Variants in C7orf57 observed in about 807,000 individuals in gnomAD.
C7orf57 encodes the protein chromosome 7 open reading frame 57.
In C7orf57, 33 loss-of-function variants were observed where a neutral mutation model predicts 39.0. The ratio of observed to expected loss-of-function variants is 0.85; its 90% CI spans 0.64 to 1.13. C7orf57 has a LOEUF of 1.13. Ranked by LOEUF, C7orf57 falls within the 50% of genes most tolerant of loss-of-function variation. C7orf57 has a pLI of 0.00. For missense variants in C7orf57, 346 were observed against 362.3 expected (o/e 0.95, Z 0.37); for synonymous variants, 124 against 137.1 (o/e 0.90, Z 0.67).
chr7:48,036,210 G>A lies in C7orf57; in HGVS notation c.-99G>A, dbSNP rs991207071. On this transcript the variant is annotated splice_region_variant and 5_prime_UTR_variant, in exon 2 of 9. Coordinates refer to ENST00000348904, the MANE Select transcript of C7orf57 (RefSeq NM_001100159.3). Reference sequence around the variant, plus strand: ...GCGCGCGGATTTTGCTTTTGCAGCTGCAGCTCCTGGCAACTGGTCAAGCAG... The same window carrying A: ...GCGCGCGGATTTTGCTTTTGCAGCTACAGCTCCTGGCAACTGGTCAAGCAG... 7.2e-5 allele frequency: 97 copies of A among 1,344,002 alleles called. No individual in the cohort carries two copies. In the African/African-American group the frequency reaches 1.2e-3, roughly 16 times the overall value. 83.3% of individuals were successfully genotyped at this position (1,344,002 alleles called of 1,614,324 possible). A position where few individuals can be genotyped will look rare whatever the true frequency, so the allele number is the denominator to read the frequency against.
chr7:48,059,395 G>A (rs931666375), intron 8 of C7orf57, among the ~76,000 whole-genome samples: 2 of 152,108 alleles, frequency 1.3e-5, no homozygotes, highest in African/African-American at 2.4e-5. Flanking sequence ...CTGTTGCCGG[G>A]CCTGGAGTGT....
At chr7:48,051,064 C>T (rs961831531) in intron 6 of C7orf57, among the ~76,000 whole-genome samples, 2 of 152,160 alleles carry the variant, frequency 1.3e-5, no homozygotes, top group Non-Finnish European at 2.9e-5. Context: ...TTTGAAGATG[C>T]AGTAGATGGT....
intron 6 of C7orf57, among the ~76,000 whole-genome samples, chr7:48,051,443 C>T (rs1244643260): frequency 2.7e-5 from 4 of 150,118 alleles, no homozygotes; most frequent in African/African-American, 4.9e-5. Context: ...CTCTGCCTCC[C>T]GGGTTCATGC....
At chr7:48,052,550 G>A (rs1790986023) in intron 6 of C7orf57, 150 bp from the exon 7 acceptor site, 1 of 656,982 alleles carries the variant, frequency 1.5e-6, no homozygotes, top group Admixed American at 2.8e-5. Context: ...GAGATAGAGG[G>A]AGAAAGAGAG....
chr7:48,052,622 G>T, intron 6 of C7orf57, 78 bp from the exon 7 acceptor site: 2 of 1,187,796 alleles, frequency 1.7e-6, no homozygotes, highest in Non-Finnish European at 2.5e-6. Flanking sequence ...CTCCTATTTG[G>T]TGTGTTCACG....
chr7:48,055,917 C>T (rs1159378297), intron 8 of C7orf57, among the ~76,000 whole-genome samples: 1 of 152,118 alleles, frequency 6.6e-6, no homozygotes, highest in Non-Finnish European at 1.5e-5. Context: ...AATAATGCTG[C>T]AGAAAATTTG....
In C7orf57 at chr7:48,043,494, C is replaced by G. The variant is rs774065137; in HGVS notation, c.255C>G (p.His85Gln). ...KQGGRPDLLK[H>Q]FAPGTRKGSP... Reference sequence around the variant, plus strand: ...TTCTCTTTTGAGATTTGTTGAAGCACTTTGCCCCTGGAACCAGGAAAGGCT... The same window carrying G: ...TTCTCTTTTGAGATTTGTTGAAGCAGTTTGCCCCTGGAACCAGGAAAGGCT... The change falls in exon 4 of 9, where the codon CAC becomes CAG. Residue 85 changes from histidine to glutamine, a missense_variant. Coordinates refer to ENST00000348904, the MANE Select transcript of C7orf57 (RefSeq NM_001100159.3). 2 of 1,613,714 alleles carry G rather than the reference C, an allele frequency of 1.2e-6. No individual in the cohort carries two copies. Among genetic ancestry groups the G allele is most frequent in the African/African-American group, 2.7e-5 (2 of 75,016 alleles).
chr7:48,049,474 C>T (rs977788244), intron 5 of C7orf57, among the ~76,000 whole-genome samples: 2 of 152,142 alleles, frequency 1.3e-5, no homozygotes, highest in African/African-American at 2.4e-5. Context: ...ATTGGCTGAT[C>T]ATGATACAAT....
intron 6 of C7orf57, among the ~76,000 whole-genome samples, chr7:48,052,254 A>C (rs985656089): frequency 6.6e-6 from 1 of 152,160 alleles, no homozygotes; most frequent in Non-Finnish European, 1.5e-5. Flanking sequence ...TATAGGCGTG[A>C]GCCACGGCAC....
chr7:48,052,976 C>T, intron 7 of C7orf57, 53 bp downstream of exon 7: 1 of 1,382,784 alleles, frequency 7.2e-7, no homozygotes, highest in Non-Finnish European at 1.0e-6. Context: ...AATTGTGATG[C>T]AGCAGCTGAC....
intron 2 of C7orf57, among the ~76,000 whole-genome samples, chr7:48,040,561 A>G (rs1278765671): frequency 6.6e-6 from 1 of 152,214 alleles, no homozygotes; most frequent in African/African-American, 2.4e-5. Flanking sequence ...GAGCAAAGCC[A>G]TTATGATTGA....
At chr7:48,055,993 T>C (rs1407318770) in intron 8 of C7orf57, among the ~76,000 whole-genome samples, 1 of 152,182 alleles carries the variant, frequency 6.6e-6, no homozygotes, top group East Asian at 1.9e-4. Context: ...AGCAGTGGGA[T>C]TGCTATATCA....
chr7:48,046,633 A>T lies in C7orf57; in HGVS notation c.507+17A>T. The T allele has an allele frequency of 1.2e-6, 2 of 1,605,790 alleles. No individual in the cohort carries two copies. Among genetic ancestry groups the T allele is most frequent in the Non-Finnish European group, 1.7e-6 (2 of 1,176,062 alleles). On this transcript the variant is annotated intron_variant, in intron 5 of 8. Coordinates refer to ENST00000348904, the MANE Select transcript of C7orf57 (RefSeq NM_001100159.3). ...AAAAAAAAGGTGACGGGAGCCCATA[A>T]ATAGACGGCATCCGCATCCGCTTTG... is the stretch of plus-strand genomic sequence containing the variant.
intron 2 of C7orf57, among the ~76,000 whole-genome samples, chr7:48,040,985 T>A (rs2037482): frequency 0.46 from 70,691 of 152,054 alleles, 17,079 homozygotes; most frequent in African/African-American, 0.6. Context: ...CCAGAAATAC[T>A]GTTGTCTTAT....
intron 2 of C7orf57, among the ~76,000 whole-genome samples, chr7:48,039,621 T>A (rs192485192): frequency 9.3e-4 from 142 of 152,298 alleles, no homozygotes; most frequent in Admixed American, 1.7e-3. Context: ...TATTTTCATC[T>A]AAAAAACTTC....
At chr7:48,037,722 G>A (rs958592408) in intron 2 of C7orf57, among the ~76,000 whole-genome samples, 3 of 151,072 alleles carry the variant, frequency 2.0e-5, no homozygotes, top group African/African-American at 7.3e-5. Context: ...GATAAAAGCT[G>A]AGATAACTCT....
At chr7:48,039,509 T>TG (rs1163381806) in intron 2 of C7orf57, among the ~76,000 whole-genome samples, 1 of 150,788 alleles carries the variant, frequency 6.6e-6, no homozygotes, top group African/African-American at 2.4e-5. Context: ...TGGCGGGTGG[T>TG]GGGGGGCTTA....
At chr7:48,060,023 G>T (rs1047708010) in intron 8 of C7orf57, among the ~76,000 whole-genome samples, 2 of 152,122 alleles carry the variant, frequency 1.3e-5, no homozygotes. Context: ...ATTCTCTTCT[G>T]GTCTACCAGT....
In C7orf57 at chr7:48,036,206, A is replaced by G. The variant is rs1790352050; in HGVS notation, c.-101-2A>G. On this transcript the variant is annotated splice_acceptor_variant, in intron 1 of 8. Coordinates refer to ENST00000348904, the MANE Select transcript of C7orf57 (RefSeq NM_001100159.3). LOFTEE classifies it low-confidence loss of function (5UTR_SPLICE). ...GCGGGCGCGCGGATTTTGCTTTTGC[A>G]GCTGCAGCTCCTGGCAACTGGTCAA... The G allele has an allele frequency of 7.6e-7, 1 of 1,309,090 alleles. No homozygotes were observed. Among genetic ancestry groups the G allele is most frequent in the African/African-American group, 1.5e-5 (1 of 68,174 alleles). The allele number at this position is 1,309,090 out of a possible 1,614,324, so 81.1% of individuals were successfully genotyped here. A position where few individuals can be genotyped will look rare whatever the true frequency, so the allele number is the denominator to read the frequency against.
Sources: gnomAD v4.1 joint callset for allele counts (sites outside exome capture counted in the v4.1 genomes callset) on GRCh38, gnomAD v4.1.1 for gene constraint, MANE v1.5 for transcripts, NCBI Gene and HGNC (gene_info 2026-07-23, HGNC 2026-07-21) for gene names.